Variants in ATM observed in about 807,000 individuals in gnomAD.
ATM encodes serine-protein kinase ATM.
A neutral mutation model predicts 387.0 loss-of-function variants in ATM; 308 were observed. That is an observed-to-expected ratio of 0.80 (90% confidence interval 0.73 to 0.87). The LOEUF (loss-of-function observed/expected upper bound fraction) is 0.87. Ranked by LOEUF, ATM falls within the 40% of genes least tolerant of loss-of-function variation. ATM has a pLI of 0.00. For synonymous variants in ATM, 1,156 were observed against 1,187.3 expected, an observed-to-expected ratio of 0.97 and a Z score of 0.54; for missense variants, 3,312 against 3,560.9, an observed-to-expected ratio of 0.93 and a Z score of 1.78.
At chr11:108,296,758 G>A (rs2083144394) in intron 32 of ATM, among the ~76,000 whole-genome samples, 1 of 152,200 alleles carries the variant, frequency 6.6e-6, no homozygotes, top group South Asian at 2.1e-4. Flanking sequence ...TAGCCATTTG[G>A]CTATTTAAAT....
intron 26 of ATM, among the ~76,000 whole-genome samples, chr11:108,286,772 G>T (rs767615003): frequency 6.6e-6 from 1 of 152,004 alleles, no homozygotes; most frequent in African/African-American, 2.4e-5. Flanking sequence ...CCTCATTTAC[G>T]TTAGGTTTCT....
At chr11:108,343,482 T>C (rs1206595440) in intron 57 of ATM, 111 bp downstream of exon 57, 2 of 1,299,538 alleles carry the variant, frequency 1.5e-6, no homozygotes, top group Non-Finnish European at 2.2e-6. Flanking sequence ...CATCAGGTAA[T>C]TGTCAAAGAT....
intron 61 of ATM, among the ~76,000 whole-genome samples, chr11:108,363,829 GTAATT>G (rs1463046169): frequency 6.6e-6 from 1 of 152,132 alleles, no homozygotes. Flanking sequence ...TGGTTTTGAA[GTAATT>G]TAGATTTTTC....
chr11:108,345,704 CAA>C lies in ATM; in HGVS notation c.8419-38_8419-37del, dbSNP rs762631439. 4.9e-5 allele frequency: 71 copies of C among 1,438,966 alleles called. No individual in the cohort carries two copies. Among genetic ancestry groups the C allele is most frequent in the Non-Finnish European group, 6.3e-5 (67 of 1,057,948 alleles). The allele number at this position is 1,438,966 out of a possible 1,614,324, so 89.1% of individuals were successfully genotyped here. A position where few individuals can be genotyped will look rare whatever the true frequency, so the allele number is the denominator to read the frequency against. On this transcript the variant is annotated intron_variant, in intron 57 of 62. Transcript: ENST00000675843. ...ATGTGTATATTAGTTTAATTGAACA[CAA>C]TATTGAAAAATAATTATATATATTC...
chr11:108,303,192 G>C (rs1230550241), intron 36 of ATM, among the ~76,000 whole-genome samples, 163 bp downstream of exon 36: 2 of 152,094 alleles, frequency 1.3e-5, no homozygotes, highest in African/African-American at 2.4e-5. Context: ...TATGCATTAG[G>C]TTTCAGCTTC....
At chr11:108,284,595 C>A in intron 26 of ATM, 122 bp downstream of exon 26, 1 of 1,321,882 alleles carries the variant, frequency 7.6e-7, no homozygotes, top group Non-Finnish European at 1.0e-6. Context: ...TTGTGGTAAT[C>A]ATTATCTAGC....
At chr11:108,245,075 T>C in intron 7 of ATM, 49 bp downstream of exon 7, 1 of 1,424,028 alleles carries the variant, frequency 7.0e-7, no homozygotes, top group Non-Finnish European at 9.8e-7. Context: ...CATTCAAACA[T>C]AGAAGTCTAA....
intron 7 of ATM, 47 bp from the exon 8 acceptor site, chr11:108,246,917 A>G: frequency 6.7e-7 from 1 of 1,495,896 alleles, no homozygotes; most frequent in South Asian, 1.1e-5. Flanking sequence ...TAGCAGTGTA[A>G]ACAGAGTACA....
At chr11:108,346,039 C>A in intron 58 of ATM, 131 bp downstream of exon 58, 1 of 953,744 alleles carries the variant, frequency 1.0e-6, no homozygotes, top group Non-Finnish European at 1.6e-6. Context: ...AGTAACCAAC[C>A]CATCTTCATT....
rs786202730 is a variant in ATM at position 108,327,652 on chromosome 11, C to T, written c.6983C>T (p.Pro2328Leu). The T allele has an allele frequency of 1.9e-6, 3 of 1,613,498 alleles. No homozygotes were observed. Among genetic ancestry groups the T allele is most frequent in the Non-Finnish European group, 2.5e-6 (3 of 1,179,674 alleles). The part of the protein sequence containing the change: ...KLDASCAANN[P>L]SLKLTYTECL... Reference sequence around the variant, plus strand: ...TTTGCCTTTCTTATACAGAACAATCCCAGCCTAAAACTTACATACACAGAA... The same window carrying T: ...TTTGCCTTTCTTATACAGAACAATCTCAGCCTAAAACTTACATACACAGAA... The change falls in exon 48 of 63, where the codon CCC (proline) becomes CTC (leucine). Residue 2328 changes from proline (P) to leucine (L), a missense_variant. Around this residue, in one of 4 missense-constraint regions of ATM, gnomAD observed 1,405 missense variants for 1,604.4 expected, o/e 0.88. Transcript: ENST00000675843.
chr11:108,353,155 A>T (rs2089414777), intron 59 of ATM, among the ~76,000 whole-genome samples: 1 of 147,626 alleles, frequency 6.8e-6, no homozygotes, highest in African/African-American at 2.5e-5. Flanking sequence ...AATGTCATTA[A>T]TTTTTTTTTT....
chr11:108,336,207 A>G (rs2086835879), intron 56 of ATM: 3 of 405,048 alleles, frequency 7.4e-6, no homozygotes, highest in Non-Finnish European at 4.6e-6. Context: ...TGGGAGGCTG[A>G]GGTGGGAGGA....
intron 5 of ATM, among the ~76,000 whole-genome samples, chr11:108,239,450 A>G (rs973400511): frequency 1.6e-4 from 24 of 152,228 alleles, no homozygotes; most frequent in African/African-American, 7.2e-5. Flanking sequence ...TTTGAGGCTC[A>G]TCAGTGTTAC....
rs191288497 is a variant in ATM at position 108,238,128 on chromosome 11, T to C, written c.496+2294T>C. On this transcript the variant is annotated intron_variant, in intron 5 of 62. Transcript: ENST00000675843. ...TTTTAGTAGAGACAGGGTTTCCTCATGTTGGCCAGGCTGGTCTCGAATTCC... is the reference window on the plus strand; with the variant it reads ...TTTTAGTAGAGACAGGGTTTCCTCACGTTGGCCAGGCTGGTCTCGAATTCC... Among the ~76,000 whole-genome samples, 85 of 152,120 alleles carry C rather than the reference T, an allele frequency of 5.6e-4. No homozygotes were observed. The East Asian group carries it at 0.012, about 22-fold the overall frequency.
intron 38 of ATM, among the ~76,000 whole-genome samples, chr11:108,309,914 T>C (rs1011935357): frequency 6.6e-6 from 1 of 152,152 alleles, no homozygotes; most frequent in African/African-American, 2.4e-5. Context: ...GGTGATAGTC[T>C]ACAGGTTTTA....
At chr11:108,308,996 A>T in intron 38 of ATM, 1 of 1,527,524 alleles carries the variant, frequency 6.5e-7, no homozygotes. Context: ...AATGGTGTTG[A>T]CATTAGCAGG....
intron 61 of ATM, among the ~76,000 whole-genome samples, chr11:108,356,523 C>T (rs999768908): frequency 7.7e-6 from 1 of 130,448 alleles, no homozygotes; most frequent in Non-Finnish European, 1.6e-5. Flanking sequence ...GCGACAAGAG[C>T]AAGACTCTGT....
At chr11:108,253,773 AGGTACTT>A in intron 12 of ATM, 34 bp from the exon 13 acceptor site, 2 of 1,469,680 alleles carry the variant, frequency 1.4e-6, no homozygotes, top group Non-Finnish European at 1.9e-6. Flanking sequence ...GCAAAGCATT[AGGTACTT>A]GGTTTATATA....
At chr11:108,235,125 T>C (rs1464223273) in intron 4 of ATM, among the ~76,000 whole-genome samples, 1 of 151,990 alleles carries the variant, frequency 6.6e-6, no homozygotes, top group Non-Finnish European at 1.5e-5. Context: ...GGTGAAACCC[T>C]GTCTCTACTA....
Sources: gnomAD v4.1 joint callset for allele counts (sites outside exome capture counted in the v4.1 genomes callset) on GRCh38, gnomAD v4.1.1 for gene constraint, gnomAD v4.1.1 regional missense constraint, MANE v1.5 for transcripts, NCBI Gene and HGNC (gene_info 2026-07-23, HGNC 2026-07-21) for gene names.